The following EEPD1 variants were observed in gnomAD, a reference collection of about 807,000 sequenced individuals.
The protein encoded by EEPD1 is endonuclease/exonuclease/phosphatase family domain containing 1.
In EEPD1, 17 loss-of-function variants were observed where a neutral mutation model predicts 46.3. The observed-to-expected ratio is 0.37, with a 90% CI of 0.25 to 0.55. The LOEUF (loss-of-function observed/expected upper bound fraction) is 0.55, where lower values mean the gene tolerates loss of function less well. EEPD1 is among the 20% of genes least tolerant of loss of function. EEPD1 has a pLI of 0.83. For synonymous variants in EEPD1, 313 were observed against 315.6 expected (o/e 0.99, Z 0.09); for missense variants, 673 against 745.6 (o/e 0.90, Z 1.13).
intron 2 of EEPD1, among the ~76,000 whole-genome samples, chr7:36,213,750 T>C (rs910595092): frequency 6.6e-6 from 1 of 152,140 alleles, no homozygotes; most frequent in African/African-American, 2.4e-5. Flanking sequence ...CAGCATCCTA[T>C]GCTTGTCATT....
chr7:36,196,662 C>T (rs1785595991), intron 2 of EEPD1, among the ~76,000 whole-genome samples: 1 of 152,260 alleles, frequency 6.6e-6, no homozygotes, highest in South Asian at 2.1e-4. Flanking sequence ...GATCTGCCAG[C>T]CTCGGCCTCC....
At chr7:36,286,312 C>T (rs1369805472) in intron 5 of EEPD1, among the ~76,000 whole-genome samples, 1 of 152,194 alleles carries the variant, frequency 6.6e-6, no homozygotes, top group Middle Eastern at 3.2e-3. Flanking sequence ...GTGCCCCCCA[C>T]CCAGCCTTAA....
chr7:36,217,262 A>G (rs1390029043), intron 2 of EEPD1, among the ~76,000 whole-genome samples: 2 of 152,274 alleles, frequency 1.3e-5, no homozygotes, highest in Non-Finnish European at 2.9e-5. Flanking sequence ...AGAGGTGGGC[A>G]ATTCCTGGAA....
At chr7:36,179,697 TAAAAA>T (rs56263813) in intron 2 of EEPD1, among the ~76,000 whole-genome samples, 2 of 85,446 alleles carry the variant, frequency 2.3e-5, no homozygotes, top group Admixed American at 1.3e-4. Flanking sequence ...CTGTCTCTAC[TAAAAA>T]AAAAAAAAAA....
intron 2 of EEPD1, among the ~76,000 whole-genome samples, chr7:36,184,369 G>A (rs1201544732): frequency 3.3e-5 from 5 of 152,210 alleles, no homozygotes; most frequent in Non-Finnish European, 7.3e-5. Flanking sequence ...GCCTGCTCCA[G>A]AGTACTGTTG....
chr7:36,204,818 G>GT (rs34006325), intron 2 of EEPD1, among the ~76,000 whole-genome samples: 16,631 of 151,964 alleles, frequency 0.11, 1,206 homozygotes, highest in Non-Finnish European at 0.17. Flanking sequence ...TTGTTTGTTT[G>GT]TTTTTTAAAA....
chr7:36,154,894 G>T lies in EEPD1; in HGVS notation c.570G>T (p.Arg190Ser), dbSNP rs1784801381. 6.2e-7 allele frequency: 1 copy of T among 1,614,110 alleles called. No individual in the cohort carries two copies. The change falls in exon 2 of 8, where the codon AGG (arginine) becomes AGT (serine). Residue 190 changes from arginine to serine, a missense_variant. Transcript: ENST00000242108. The surrounding 1 kb of genome is among the most constrained non-coding windows in gnomAD (Gnocchi z 4.2). ...MDGINAAFLD[R>S]IRHQVFAERS... Reference sequence around the variant, plus strand: ...GTATCAATGCCGCCTTCCTGGACAGGATCCGGCACCAGGTGTTTGCTGAGA... The same window carrying T: ...GTATCAATGCCGCCTTCCTGGACAGTATCCGGCACCAGGTGTTTGCTGAGA...
intron 2 of EEPD1, chr7:36,228,669 T>G (rs1786269827): frequency 6.6e-6 from 1 of 152,258 alleles, no homozygotes; most frequent in Non-Finnish European, 1.5e-5. Flanking sequence ...CTCAACCACC[T>G]ACAATAATGG....
chr7:36,241,698 C>A (rs1314176616), intron 3 of EEPD1, among the ~76,000 whole-genome samples: 1 of 152,030 alleles, frequency 6.6e-6, no homozygotes, highest in Non-Finnish European at 1.5e-5. Context: ...GAAACCCGGT[C>A]TCTGCTAAAA....
At chr7:36,245,587 C>T (rs1008605857) in intron 3 of EEPD1, among the ~76,000 whole-genome samples, 2 of 152,194 alleles carry the variant, frequency 1.3e-5, no homozygotes, top group Admixed American at 6.5e-5. Flanking sequence ...TCTCTCCTAA[C>T]GCTACACAGA....
intron 5 of EEPD1, 22 bp from the exon 6 acceptor site, chr7:36,287,604 AGCCTCTCCCTGTT>A: frequency 6.2e-7 from 1 of 1,604,392 alleles, no homozygotes. Context: ...TGAGCTTCTG[AGCCTCTCCCTGTT>A]GCTTTGTTTC....
Position 36,154,695 on chromosome 7 carries a change from C to T in EEPD1, c.371C>T (p.Pro124Leu), listed in dbSNP as rs1425029135. 1.2e-6 allele frequency: 2 copies of T among 1,613,806 alleles called. No individual in the cohort carries two copies. Among genetic ancestry groups the T allele is most frequent in the Non-Finnish European group, 1.7e-6 (2 of 1,180,006 alleles). ...LRRDLLAEQQ[P>L]HHLATAVPLT... ...CGGGACCTGCTAGCGGAGCAGCAGC[C>T]TCACCACCTGGCCACAGCTGTGCCC... The change falls in exon 2 of 8, where the codon CCT (proline) becomes CTT (leucine). Residue 124 changes from proline to leucine, a missense_variant. Pro to Leu is a moderately conservative substitution (Grantham distance 98). Transcript: ENST00000242108. This position sits in a 1 kb window ranked among gnomAD's most constrained non-coding sequence, Gnocchi z 4.2.
Position 36,181,286 on chromosome 7 carries a change from C to T in EEPD1, c.878+26084C>T, listed in dbSNP as rs377374108. Among the ~76,000 whole-genome samples, 11 of 152,082 alleles carry T rather than the reference C, an allele frequency of 7.2e-5. No individual in the cohort carries two copies. In the East Asian group the frequency reaches 1.9e-3, roughly 27 times the overall value. ...TCACGTGCCTCTGTTCCCTTTCACA[C>T]TCGGAGGGCTGTGGCTGTGCTGTCA... On this transcript the variant is annotated intron_variant, in intron 2 of 7. Coordinates refer to ENST00000242108, the MANE Select transcript of EEPD1 (RefSeq NM_030636.3).
At position 36,299,494 on chromosome 7, in the gene EEPD1, C is replaced by A; in HGVS notation, c.*288C>A. 1 of 449,098 alleles carries A rather than the reference C, an allele frequency of 2.2e-6. No homozygotes were observed. Among genetic ancestry groups the A allele is most frequent in the Non-Finnish European group, 4.0e-6 (1 of 247,546 alleles). 27.8% of individuals were successfully genotyped at this position (449,098 alleles called of 1,614,324 possible). A position where few individuals can be genotyped will look rare whatever the true frequency, so the allele number is the denominator to read the frequency against. The stretch of plus-strand genomic sequence containing the variant: ...TGAGCAGCATTGGGCTGGCTGTCCG[C>A]TGCTGACTGGATGGCAGCACAAAGA... On this transcript the variant is annotated 3_prime_UTR_variant, in exon 8 of 8. Transcript: ENST00000242108.
In EEPD1 at chr7:36,225,973, G is replaced by A. The variant is rs1786226809; in HGVS notation, c.879-13012G>A. Among the ~76,000 whole-genome samples, 2 of 152,162 alleles carry A rather than the reference G, an allele frequency of 1.3e-5. No homozygotes were observed. The highest frequency in any genetic ancestry group is 4.1e-4 in the South Asian group (2 of 4,826). On this transcript the variant is annotated intron_variant, in intron 2 of 7. Coordinates refer to ENST00000242108, the MANE Select transcript of EEPD1 (RefSeq NM_030636.3). The surrounding 1 kb of genome is among the most constrained non-coding windows in gnomAD (Gnocchi z 4.2). ...TTAGATGCTCAAGAGTTAAAACAGAGCTCAAGAGTAGCTAACATAAGCACC... is the reference window on the plus strand; with the variant it reads ...TTAGATGCTCAAGAGTTAAAACAGAACTCAAGAGTAGCTAACATAAGCACC...
intron 2 of EEPD1, among the ~76,000 whole-genome samples, chr7:36,173,256 A>AG (rs543764956): frequency 4.1e-4 from 60 of 145,502 alleles, no homozygotes; most frequent in African/African-American, 7.4e-4. Flanking sequence ...TGGGAGGCCA[A>AG]GGGGGGCGGA....
intron 2 of EEPD1, among the ~76,000 whole-genome samples, chr7:36,226,333 C>CG (rs1786231323): frequency 6.6e-6 from 1 of 152,154 alleles, no homozygotes. Flanking sequence ...AGGGAAGCAG[C>CG]GTGCTAAGTA....
At chr7:36,258,361 G>A (rs1786859738) in intron 3 of EEPD1, among the ~76,000 whole-genome samples, 1 of 152,198 alleles carries the variant, frequency 6.6e-6, no homozygotes, top group Admixed American at 6.5e-5. Context: ...GCTGTGCTGG[G>A]AGATCCACTG....
intron 2 of EEPD1, among the ~76,000 whole-genome samples, chr7:36,238,186 T>C (rs774905835): frequency 1.3e-5 from 2 of 152,160 alleles, no homozygotes; most frequent in African/African-American, 2.4e-5. Flanking sequence ...TAACATGTAA[T>C]GAGCAGTGAG....
Sources: gnomAD v4.1 joint callset for allele counts (sites outside exome capture counted in the v4.1 genomes callset) on GRCh38, gnomAD v4.1.1 for gene constraint, Gnocchi (gnomAD v3.1) non-coding constraint, MANE v1.5 for transcripts, NCBI Gene and HGNC (gene_info 2026-07-23, HGNC 2026-07-21) for gene names.